The following ANKAR variants were observed in gnomAD, a reference collection of about 807,000 sequenced individuals.
The protein encoded by ANKAR is ankyrin and armadillo repeat-containing protein.
In ANKAR, 136 loss-of-function variants were observed where a neutral mutation model predicts 146.2. The observed-to-expected ratio is 0.93, with a 90% confidence interval of 0.81 to 1.07. The LOEUF is 1.07. Among genes scored for constraint, ANKAR ranks in the 50% least tolerant of loss-of-function variants. The pLI is 0.00. For missense variants in ANKAR, 1,567 were observed against 1,679.9 expected (o/e 0.93, Z 1.18); for synonymous variants, 500 against 575.8 (o/e 0.87, Z 1.88).
chr2:189,759,965 C>A (rs556283155), intron 18 of ANKAR, among the ~76,000 whole-genome samples: 8 of 152,184 alleles, frequency 5.3e-5, no homozygotes, highest in East Asian at 3.9e-4. Context: ...TGACTCTTAA[C>A]GAGTATGCTG....
downstream of ANKAR, chr2:189,746,709 A>T: frequency 7.5e-7 from 1 of 1,337,612 alleles, no homozygotes; most frequent in Non-Finnish European, 9.9e-7. Context: ...TGCAAATAAC[A>T]TAACTGAATA....
chr2:189,716,977 C>G (rs1462272220), intron 10 of ANKAR, among the ~76,000 whole-genome samples: 3 of 151,934 alleles, frequency 2.0e-5, no homozygotes, highest in Non-Finnish European at 4.4e-5. Context: ...GACCTGAAAC[C>G]ATAAAAACCC....
intron 18 of ANKAR, chr2:189,753,082 T>C (rs1030620513): frequency 3.8e-5 from 43 of 1,138,906 alleles, no homozygotes; most frequent in Non-Finnish European, 4.3e-5. Flanking sequence ...TAATAAACTA[T>C]CCCATTTTGA....
intron 2 of ANKAR, among the ~76,000 whole-genome samples, chr2:189,687,950 A>T (rs986741017): frequency 6.6e-6 from 1 of 152,162 alleles, no homozygotes; most frequent in Non-Finnish European, 1.5e-5. Context: ...GCTATGTAGA[A>T]GCTTTTTAAG....
chr2:189,743,126 C>A, intron 20 of ANKAR, 149 bp from the exon 21 acceptor site: 1 of 681,176 alleles, frequency 1.5e-6, no homozygotes, highest in Non-Finnish European at 2.4e-6. Flanking sequence ...GTTAAGCTTC[C>A]GTCTATACAC....
chr2:189,693,175 A>G lies in ANKAR; in HGVS notation c.1305A>G (p.Lys435=). Residue 435 remains lysine (K), a splice_region_variant and synonymous_variant, in exon 5 of 23, where the codon AAA becomes AAG. Coordinates refer to ENST00000684021, the MANE Select transcript of ANKAR (RefSeq NM_001378068.1). ...TACCAGTCATGGAATTTCATGGAAAAAGGTACGGAGCTTTCACTAATTACT... is the reference window on the plus strand; with the variant it reads ...TACCAGTCATGGAATTTCATGGAAAGAGGTACGGAGCTTTCACTAATTACT... The part of the protein sequence containing the change: ...YSIPVMEFHG[K]SYYVIYFELE... The G allele has an allele frequency of 6.5e-7, 1 of 1,542,732 alleles. No homozygotes were observed. Among genetic ancestry groups the G allele is most frequent in the Non-Finnish European group, 8.8e-7 (1 of 1,133,182 alleles).
chr2:189,703,492 G>C (rs73048445), intron 7 of ANKAR, among the ~76,000 whole-genome samples: 5,147 of 152,260 alleles, frequency 0.034, 299 homozygotes, highest in African/African-American at 0.12. Context: ...AGAGAACCAG[G>C]TTTGGAGGGA....
chr2:189,713,939 C>G (rs144103003), intron 10 of ANKAR, among the ~76,000 whole-genome samples: 2,781 of 151,852 alleles, frequency 0.018, 98 homozygotes, highest in African/African-American at 0.064. Context: ...AAATGGAAAG[C>G]AAAAAAATAG....
intron 9 of ANKAR, among the ~76,000 whole-genome samples, chr2:189,710,300 T>C (rs2039515851): frequency 6.6e-6 from 1 of 152,094 alleles, no homozygotes; most frequent in African/African-American, 2.4e-5. Context: ...TTAAAGTATC[T>C]TTTTTATACT....
intron 10 of ANKAR, among the ~76,000 whole-genome samples, chr2:189,713,029 T>C (rs973617531): frequency 3.3e-5 from 5 of 151,722 alleles, no homozygotes; most frequent in Non-Finnish European, 4.4e-5. Flanking sequence ...TATCAGTGAT[T>C]GAAGATCAAA....
intron 19 of ANKAR, among the ~76,000 whole-genome samples, chr2:189,740,914 G>A (rs1250382742): frequency 6.6e-6 from 1 of 151,558 alleles, no homozygotes; most frequent in Non-Finnish European, 1.5e-5. Context: ...GGCTGGTCAC[G>A]AACTCCCGAA....
chr2:189,678,620 A>G (rs954410850), intron 2 of ANKAR, among the ~76,000 whole-genome samples: 2 of 152,244 alleles, frequency 1.3e-5, no homozygotes, highest in East Asian at 3.9e-4. Context: ...ATAAGGTGAG[A>G]GATGAGGATC....
intron 3 of ANKAR, among the ~76,000 whole-genome samples, chr2:189,690,916 G>A (rs955100391): frequency 6.6e-6 from 1 of 152,118 alleles, no homozygotes; most frequent in South Asian, 2.1e-4. Flanking sequence ...GTTGAGATCA[G>A]GGTGTATAGT....
Position 189,714,817 on chromosome 2 carries a change from G to A in ANKAR, c.2224+3664G>A, listed in dbSNP as rs186108925. On this transcript the variant is annotated intron_variant, in intron 10 of 22. Transcript: ENST00000684021. The stretch of plus-strand genomic sequence containing the variant: ...AAAAATTAGCCAGGCGTGGTGGTGG[G>A]TACCTGTAGTCCCGGCTACTTGGGA... Among the ~76,000 whole-genome samples the A allele has an allele frequency of 3.3e-4, 50 of 151,958 alleles. No individual in the cohort carries two copies. The East Asian group carries it at 9.1e-3, about 28-fold the overall frequency.
rs1484450591 is a variant in ANKAR at position 189,738,827 on chromosome 2, T to A, written c.3700+145T>A. ...ACTTATGTTTATATCTACATGGAAC[T>A]CCACAGCAAGTCTACACGAAACAAT... On this transcript the variant is annotated intron_variant, in intron 19 of 22. Transcript: ENST00000684021. The A allele has an allele frequency of 3.6e-5, 19 of 532,086 alleles. No individual in the cohort carries two copies. The East Asian group carries it at 5.9e-4, about 17-fold the overall frequency. 33.0% of individuals were successfully genotyped at this position (532,086 alleles called of 1,614,324 possible).
intron 12 of ANKAR, among the ~76,000 whole-genome samples, chr2:189,723,782 C>G (rs2105804623): frequency 6.6e-6 from 1 of 152,272 alleles, no homozygotes. Context: ...TTCTTTACCT[C>G]TTATTCACTC....
intron 19 of ANKAR, among the ~76,000 whole-genome samples, chr2:189,739,573 T>G (rs2043145268): frequency 6.6e-6 from 1 of 152,042 alleles, no homozygotes; most frequent in Admixed American, 6.6e-5. Flanking sequence ...CCACAGTTTT[T>G]TTTTTTTTTG....
intron 7 of ANKAR, among the ~76,000 whole-genome samples, chr2:189,697,383 A>G (rs564416880): frequency 2.6e-5 from 4 of 152,232 alleles, no homozygotes; most frequent in African/African-American, 4.8e-5. Context: ...GGAATGGCCA[A>G]TGCAACAATA....
chr2:189,689,578 A>G lies in ANKAR; in HGVS notation c.653A>G (p.Asp218Gly). 1 of 1,610,798 alleles carries G rather than the reference A, an allele frequency of 6.2e-7. No individual in the cohort carries two copies. Among genetic ancestry groups the G allele is most frequent in the African/African-American group, 1.3e-5 (1 of 74,898 alleles). ...DPDFNEIYDE[D>G]VNEDPTYDPN... ...GACTTTAATGAAATCTATGATGAAGACGTGAATGAAGATCCAACATATGAT... is the reference window on the plus strand; with the variant it reads ...GACTTTAATGAAATCTATGATGAAGGCGTGAATGAAGATCCAACATATGAT... Residue 218 changes from aspartate (D) to glycine (G), a missense_variant, in exon 3 of 23, where the codon GAC becomes GGC. Asp to Gly is a moderately conservative substitution (Grantham distance 94, BLOSUM62 -1). Coordinates refer to ENST00000684021, the MANE Select transcript of ANKAR (RefSeq NM_001378068.1).
Sources: allele counts gnomAD v4.1 joint callset (sites outside exome capture counted in the v4.1 genomes callset), GRCh38; gene constraint gnomAD v4.1.1; transcripts MANE v1.5; gene names NCBI Gene and HGNC (gene_info 2026-07-23, HGNC 2026-07-21).